Variants in TMPRSS15 observed in about 807,000 individuals in gnomAD.
TMPRSS15 encodes the protein transmembrane serine protease 15, also known as enteropeptidase.
Under a neutral mutation model 125.3 loss-of-function variants are expected in TMPRSS15, and 128 were observed. The observed-to-expected ratio is 1.02, with a 90% CI of 0.89 to 1.18. TMPRSS15 has a LOEUF of 1.18. Ranked by LOEUF, TMPRSS15 falls within the 50% of genes most tolerant of loss-of-function variation. TMPRSS15 has a pLI of 0.00. For synonymous variants in TMPRSS15, 446 were observed against 423.2 expected (o/e 1.05, Z -0.66); for missense variants, 1,283 against 1,212.7 (o/e 1.06, Z -0.86).
intron 7 of TMPRSS15, among the ~76,000 whole-genome samples, chr21:18,361,911 C>T (rs1284351875): frequency 6.6e-6 from 1 of 151,876 alleles, no homozygotes; most frequent in Non-Finnish European, 1.5e-5. Flanking sequence ...AAAGCATAAA[C>T]CTATAGACTT....
chr21:18,405,523 T>C (rs2076145892), upstream of TMPRSS15, among the ~76,000 whole-genome samples: 1 of 152,140 alleles, frequency 6.6e-6, no homozygotes, highest in South Asian at 2.1e-4. Context: ...AGCTGTGATA[T>C]AAAGAGAGTG....
chr21:18,300,785 T>C lies in TMPRSS15; in HGVS notation c.2166-2956A>G, dbSNP rs1186452052. 5.8e-5 allele frequency among the ~76,000 whole-genome samples: 8 copies of C among 137,688 alleles called. No homozygotes were observed. In the South Asian group the frequency reaches 1.6e-3, roughly 28 times the overall value. The allele number at this position is 137,688 out of a possible 152,430, so 90.3% of individuals were successfully genotyped here. ...ACTTCTGGCATGCATTTGGATAGGATTGACAGTGATTTTTTTTTAAACATA... is the reference window on the plus strand; with the variant it reads ...ACTTCTGGCATGCATTTGGATAGGACTGACAGTGATTTTTTTTTAAACATA... On this transcript the variant is annotated intron_variant, in intron 18 of 24. Coordinates refer to ENST00000284885, the MANE Select transcript of TMPRSS15 (RefSeq NM_002772.3).
intron 3 of TMPRSS15, among the ~76,000 whole-genome samples, chr21:18,384,541 A>T (rs940988181): frequency 5.9e-5 from 9 of 152,174 alleles, no homozygotes; most frequent in African/African-American, 1.9e-4. Flanking sequence ...AGTGTAAAGA[A>T]AGAGAAAAAT....
chr21:18,379,232 A>T (rs1425023421), intron 5 of TMPRSS15, 51 bp downstream of exon 5: 9 of 926,648 alleles, frequency 9.7e-6, no homozygotes, highest in Middle Eastern at 3.7e-4. Context: ...AATAAAATGT[A>T]TAAGAGAAAA....
At chr21:18,447,649 G>T (rs1210109241) in intron 1 of TMPRSS15, among the ~76,000 whole-genome samples, 2 of 151,992 alleles carry the variant, frequency 1.3e-5, no homozygotes, top group Non-Finnish European at 2.9e-5. Flanking sequence ...GACAGTGAGT[G>T]AGTTCTTATG....
chr21:18,434,163 G>A (rs374322036), intron 1 of TMPRSS15, among the ~76,000 whole-genome samples: 12 of 151,902 alleles, frequency 7.9e-5, no homozygotes, highest in East Asian at 3.9e-4. Flanking sequence ...ATACGTGTTC[G>A]TACATCCAGC....
At chr21:18,348,056 G>T (rs539075756) in intron 10 of TMPRSS15, among the ~76,000 whole-genome samples, 6 of 152,126 alleles carry the variant, frequency 3.9e-5, no homozygotes, top group Non-Finnish European at 8.8e-5. Context: ...GTGGTAGAAT[G>T]CACCTGTGAT....
At chr21:18,432,824 T>A (rs9982369) in intron 1 of TMPRSS15, among the ~76,000 whole-genome samples, 16,798 of 152,160 alleles carry the variant, frequency 0.11, 1,028 homozygotes, top group African/African-American at 0.13. Context: ...AACTGATTGA[T>A]GTCATGAAAT....
Position 18,269,954 on chromosome 21 carries a change from A to G in TMPRSS15, c.*15T>C, listed in dbSNP as rs2074533797. ...GGAAAATAATGCGACTTTCCTGTTTAGTTTAAGAAATGCGCTAATGTAGAA... is the reference window on the plus strand; with the variant it reads ...GGAAAATAATGCGACTTTCCTGTTTGGTTTAAGAAATGCGCTAATGTAGAA... On this transcript the variant is annotated 3_prime_UTR_variant, in exon 25 of 25. Transcript: ENST00000284885. 1 of 1,613,466 alleles carries G rather than the reference A, an allele frequency of 6.2e-7. No homozygotes were observed. The highest frequency in any genetic ancestry group is 8.5e-7 in the Non-Finnish European group (1 of 1,179,538).
At chr21:18,449,185 C>A (rs2076262205) in intron 1 of TMPRSS15, among the ~76,000 whole-genome samples, 1 of 152,052 alleles carries the variant, frequency 6.6e-6, no homozygotes, top group Non-Finnish European at 1.5e-5. Flanking sequence ...ATTCCAGGAG[C>A]TTTTGAAAAT....
chr21:18,341,468 A>T lies in TMPRSS15; in HGVS notation c.1509T>A (p.Asn503Lys), dbSNP rs1223850551. 6.2e-7 allele frequency: 1 copy of T among 1,614,060 alleles called. No homozygotes were observed. The highest frequency in any genetic ancestry group is 2.2e-5 in the East Asian group (1 of 44,896). ...AAGTTGGTTCTGGATAAAGACTCCC[A>T]TTGCAAATCCCATATGTTAGGCTAA... The part of the protein sequence containing the change: ...DDISLTYGIC[N>K]GSLYPEPTLV... The change falls in exon 13 of 25, where the codon AAT becomes AAA. Residue 503 changes from asparagine (N) to lysine (K), a missense_variant. Coordinates refer to ENST00000284885, the MANE Select transcript of TMPRSS15 (RefSeq NM_002772.3).
At chr21:18,442,572 C>A (rs946047159) in intron 1 of TMPRSS15, among the ~76,000 whole-genome samples, 2 of 152,304 alleles carry the variant, frequency 1.3e-5, no homozygotes, top group Non-Finnish European at 2.9e-5. Context: ...GGAGAAAAAA[C>A]TCCCTTGCAT....
chr21:18,281,313 C>G, intron 21 of TMPRSS15, 92 bp from the exon 22 acceptor site: 1 of 1,092,454 alleles, frequency 9.2e-7, no homozygotes, highest in Non-Finnish European at 1.4e-6. Context: ...GAATATGTTT[C>G]TATCCTGAAA....
intron 1 of TMPRSS15, among the ~76,000 whole-genome samples, chr21:18,473,379 A>T (rs186462839): frequency 0.011 from 1,676 of 152,236 alleles, 17 homozygotes; most frequent in Non-Finnish European, 0.019. Flanking sequence ...TTATATCCAT[A>T]ACCATGACCA....
intron 10 of TMPRSS15, among the ~76,000 whole-genome samples, chr21:18,345,686 A>C (rs112899297): frequency 8.3e-6 from 1 of 120,826 alleles, no homozygotes; most frequent in Admixed American, 1.1e-4. Context: ...GCTTGCAGTG[A>C]GCCGAGGTCG....
chr21:18,313,237 T>C (rs2075120489), intron 17 of TMPRSS15, among the ~76,000 whole-genome samples, 160 bp from the exon 18 acceptor site: 1 of 152,124 alleles, frequency 6.6e-6, no homozygotes, highest in Admixed American at 6.6e-5. Context: ...TAATGTATTG[T>C]ATATTTCAAA....
At chr21:18,338,690 C>A (rs377425077) in intron 13 of TMPRSS15, among the ~76,000 whole-genome samples, 1 of 149,354 alleles carries the variant, frequency 6.7e-6, no homozygotes, top group Non-Finnish European at 1.5e-5. Context: ...AAGAGTATAT[C>A]CAAAAGAGAG....
At chr21:18,324,668 T>G (rs922817297) in intron 16 of TMPRSS15, among the ~76,000 whole-genome samples, 2 of 152,162 alleles carry the variant, frequency 1.3e-5, no homozygotes, top group East Asian at 3.8e-4. Flanking sequence ...TAACATTTTG[T>G]GTTTTTCTGT....
chr21:18,371,462 A>AGC (rs2075791316), intron 6 of TMPRSS15, among the ~76,000 whole-genome samples: 1 of 152,200 alleles, frequency 6.6e-6, no homozygotes. Flanking sequence ...CAGCTATGAA[A>AGC]TGAAGAAATA....
Sources: gnomAD v4.1 joint callset for allele counts (sites outside exome capture counted in the v4.1 genomes callset) on GRCh38, gnomAD v4.1.1 for gene constraint, MANE v1.5 for transcripts, NCBI Gene and HGNC (gene_info 2026-07-23, HGNC 2026-07-21) for gene names.